The following CTIF variants were observed in gnomAD, a reference collection of about 807,000 sequenced individuals.
CTIF encodes CBP80/20-dependent translation initiation factor.
In CTIF, 21 loss-of-function variants were observed where a neutral mutation model predicts 66.0. The ratio of observed to expected loss-of-function variants is 0.32; its 90% CI spans 0.23 to 0.46. The LOEUF (loss-of-function observed/expected upper bound fraction) is 0.46, where lower values mean the gene tolerates loss of function less well. Ranked by LOEUF, CTIF falls within the 20% of genes least tolerant of loss-of-function variation. The probability of loss-of-function intolerance (pLI) is 1.00; values close to 1 mark genes in which losing one functional copy is unlikely to be tolerated. For synonymous variants in CTIF, 345 were observed against 326.4 expected (o/e 1.06, Z -0.62); for missense variants, 739 against 812.7 (o/e 0.91, Z 1.10).
At chr18:48,752,210 T>C (rs992099843) in intron 7 of CTIF, among the ~76,000 whole-genome samples, 1 of 152,226 alleles carries the variant, frequency 6.6e-6, no homozygotes, top group Non-Finnish European at 1.5e-5. Context: ...ACAAAATCTA[T>C]TGGAGTGGGG....
intron 7 of CTIF, among the ~76,000 whole-genome samples, chr18:48,734,542 G>T (rs972324656): frequency 6.6e-6 from 1 of 152,168 alleles, no homozygotes; most frequent in Admixed American, 6.5e-5. Flanking sequence ...CTCTAGCCTG[G>T]GTGACAGAGT....
chr18:48,572,794 C>T (rs550200064), intron 1 of CTIF, among the ~76,000 whole-genome samples: 1 of 152,144 alleles, frequency 6.6e-6, no homozygotes, highest in African/African-American at 2.4e-5. Flanking sequence ...TCGAGACCAG[C>T]TTGGGCAACA....
At chr18:48,603,062 A>T (rs2090125530) in intron 1 of CTIF, among the ~76,000 whole-genome samples, 1 of 137,828 alleles carries the variant, frequency 7.3e-6, no homozygotes, top group Non-Finnish European at 1.6e-5. Context: ...GATGGATAAG[A>T]ATGGGTGGAT....
chr18:48,798,137 G>A (rs1446697330), intron 9 of CTIF, among the ~76,000 whole-genome samples: 1 of 152,224 alleles, frequency 6.6e-6, no homozygotes, highest in Admixed American at 6.5e-5. Context: ...CTGTGAGGGA[G>A]CTGGTGTTAT....
intron 10 of CTIF, among the ~76,000 whole-genome samples, chr18:48,827,100 C>A (rs191131041): frequency 5.9e-5 from 9 of 152,160 alleles, no homozygotes; most frequent in African/African-American, 2.2e-4. Flanking sequence ...ATGAGCGAGC[C>A]GTGGCCAGCT....
At chr18:48,788,831 C>G (rs2067732228) in intron 9 of CTIF, among the ~76,000 whole-genome samples, 1 of 152,156 alleles carries the variant, frequency 6.6e-6, no homozygotes, top group Non-Finnish European at 1.5e-5. Flanking sequence ...GAACTCATCA[C>G]CGGCCCAGAG....
In CTIF at chr18:48,822,791, G is replaced by A. The variant is rs112169016; in HGVS notation, c.1527+5415G>A. Among the ~76,000 whole-genome samples the A allele has an allele frequency of 6.2e-3, 946 of 152,178 alleles. 13 individuals carry two copies. The highest frequency in any genetic ancestry group is 0.022 in the African/African-American group (916 of 41,514). ...GCATTTCTACCAACAGTGTACAAGG[G>A]TTCTAATTTCTCTCCATCCTTACCA... On this transcript the variant is annotated intron_variant, in intron 10 of 11. Transcript: ENST00000256413.
intron 7 of CTIF, among the ~76,000 whole-genome samples, chr18:48,747,939 AT>A (rs1180820693): frequency 1.5e-4 from 23 of 149,956 alleles, no homozygotes; most frequent in Admixed American, 6.7e-4. Flanking sequence ...AATAATAATA[AT>A]TATTATTATT....
chr18:48,771,781 A>C (rs1204455199), intron 9 of CTIF, among the ~76,000 whole-genome samples: 4 of 152,202 alleles, frequency 2.6e-5, no homozygotes, highest in African/African-American at 9.7e-5. Context: ...AGGAGACAGC[A>C]GATCCTTCCC....
intron 9 of CTIF, among the ~76,000 whole-genome samples, chr18:48,767,520 T>C (rs1909690214): frequency 6.6e-6 from 1 of 152,156 alleles, no homozygotes; most frequent in South Asian, 2.1e-4. Flanking sequence ...CAAAGTATTA[T>C]TAGAGCCGGC....
chr18:48,583,205 G>A (rs1468326008), intron 1 of CTIF, among the ~76,000 whole-genome samples: 7 of 152,200 alleles, frequency 4.6e-5, no homozygotes, highest in African/African-American at 1.7e-4. Context: ...GGGAAATCTG[G>A]CCCTGTCTGG....
intron 2 of CTIF, among the ~76,000 whole-genome samples, chr18:48,622,285 G>A (rs1215630098): frequency 6.6e-6 from 1 of 152,276 alleles, no homozygotes; most frequent in African/African-American, 2.4e-5. Flanking sequence ...GATGGTGGGG[G>A]TGTGGCGTGT....
intron 10 of CTIF, among the ~76,000 whole-genome samples, chr18:48,853,687 C>T (rs754701778): frequency 3.9e-5 from 6 of 152,256 alleles, no homozygotes; most frequent in Non-Finnish European, 5.9e-5. Context: ...ATCAAGCACT[C>T]CTACGGCCCT....
intron 9 of CTIF, among the ~76,000 whole-genome samples, chr18:48,798,183 T>C (rs1247757938): frequency 6.6e-6 from 1 of 152,218 alleles, no homozygotes; most frequent in Non-Finnish European, 1.5e-5. Flanking sequence ...AGGTATTTGT[T>C]AACGTCATCT....
intron 1 of CTIF, among the ~76,000 whole-genome samples, chr18:48,591,585 G>A (rs530583297): frequency 6.6e-6 from 1 of 152,324 alleles, no homozygotes; most frequent in East Asian, 1.9e-4. Flanking sequence ...GCTCCCAGTA[G>A]CCACTCACAT....
At chr18:48,821,583 T>C (rs543931469) in intron 10 of CTIF, among the ~76,000 whole-genome samples, 48 of 152,352 alleles carry the variant, frequency 3.2e-4, no homozygotes, top group African/African-American at 1.1e-3. Flanking sequence ...TGATTCCATT[T>C]TTGCCCCAAC....
chr18:48,842,043 A>G (rs1307963847), intron 10 of CTIF, among the ~76,000 whole-genome samples: 1 of 151,940 alleles, frequency 6.6e-6, no homozygotes, highest in African/African-American at 2.4e-5. Context: ...TTAAGTGTGC[A>G]CTCAGCTAAT....
At chr18:48,628,754 A>G (rs532497691) in intron 2 of CTIF, among the ~76,000 whole-genome samples, 4 of 152,360 alleles carry the variant, frequency 2.6e-5, no homozygotes, top group East Asian at 1.9e-4. Context: ...TCACGCAAGC[A>G]TTCTCTACAA....
At chr18:48,539,740 C>T (rs566558253) in intron 1 of CTIF, 3 of 152,862 alleles carry the variant, frequency 2.0e-5, no homozygotes, top group South Asian at 2.1e-4. Context: ...CGCGATTCCT[C>T]TCCCTTTTGT....
Sources: gnomAD v4.1 joint callset for allele counts (sites outside exome capture counted in the v4.1 genomes callset) on GRCh38, gnomAD v4.1.1 for gene constraint, MANE v1.5 for transcripts, NCBI Gene and HGNC (gene_info 2026-07-23, HGNC 2026-07-21) for gene names.